Variants in STK32B observed in about 807,000 individuals in gnomAD.
STK32B encodes the protein serine/threonine-protein kinase 32B.
Under a neutral mutation model 52.6 loss-of-function variants are expected in STK32B, and 43 were observed. That is an observed-to-expected ratio of 0.82 (90% CI 0.64 to 1.05). STK32B has a LOEUF of 1.05. Ranked by LOEUF, STK32B falls within the 50% of genes least tolerant of loss-of-function variation. STK32B has a pLI of 0.00. For synonymous variants in STK32B, 238 were observed against 204.3 expected (o/e 1.17, Z -1.41); for missense variants, 621 against 534.6 (o/e 1.16, Z -1.59).
At chr4:5,216,813 G>A (rs906747892) in intron 3 of STK32B, among the ~76,000 whole-genome samples, 16 of 152,338 alleles carry the variant, frequency 1.1e-4, no homozygotes, top group African/African-American at 3.1e-4. Flanking sequence ...ACCAGGTGTG[G>A]TGGGTGTGAT....
chr4:5,235,358 G>A (rs1166186509), intron 3 of STK32B, among the ~76,000 whole-genome samples: 1 of 152,178 alleles, frequency 6.6e-6, no homozygotes, highest in Non-Finnish European at 1.5e-5. Flanking sequence ...CTGGCTGTAG[G>A]ACCAGGGGTA....
At chr4:5,192,754 G>A (rs952755060) in intron 3 of STK32B, among the ~76,000 whole-genome samples, 29 of 5,444 alleles carry the variant, frequency 5.3e-3, no homozygotes, top group South Asian at 0.038. Flanking sequence ...TTCTACTCTC[G>A]GCAAATTTCG....
intron 5 of STK32B, among the ~76,000 whole-genome samples, chr4:5,414,444 G>C (rs1454547840): frequency 1.3e-5 from 2 of 151,866 alleles, no homozygotes; most frequent in Non-Finnish European, 2.9e-5. Flanking sequence ...AGAATGTTTC[G>C]GGTCAAATCT....
At chr4:5,265,762 T>C (rs921475378) in intron 3 of STK32B, among the ~76,000 whole-genome samples, 2 of 152,254 alleles carry the variant, frequency 1.3e-5, no homozygotes, top group Non-Finnish European at 2.9e-5. Context: ...CCTATTTTTA[T>C]GTAATCTAGT....
In STK32B at chr4:5,167,261, C is replaced by G. The variant is rs1393144502; in HGVS notation, c.109-1038C>G. Among the ~76,000 whole-genome samples the G allele has an allele frequency of 2.0e-5, 3 of 152,084 alleles. No homozygotes were observed. The East Asian group carries it at 5.8e-4, about 29-fold the overall frequency. ...AGGCCTCATGGATTTGAACCCCCAC[C>G]CTGCCACTTGGTGGTTTGTTGAACT... is the stretch of plus-strand genomic sequence containing the variant. On this transcript the variant is annotated intron_variant, in intron 2 of 11. Coordinates refer to ENST00000282908, the MANE Select transcript of STK32B (RefSeq NM_018401.3).
At chr4:5,245,454 C>G (rs959028256) in intron 3 of STK32B, among the ~76,000 whole-genome samples, 1 of 152,084 alleles carries the variant, frequency 6.6e-6, no homozygotes, top group Non-Finnish European at 1.5e-5. Context: ...CATCCCTTTA[C>G]TTTGAGCCTA....
intron 2 of STK32B, among the ~76,000 whole-genome samples, chr4:5,150,557 C>A (rs1260175041): frequency 6.7e-6 from 1 of 150,058 alleles, no homozygotes; most frequent in East Asian, 2.0e-4. Context: ...CTTTGGCAGG[C>A]ACATGAATCT....
chr4:5,464,392 T>A (rs1057137954), intron 9 of STK32B, among the ~76,000 whole-genome samples: 1 of 152,214 alleles, frequency 6.6e-6, no homozygotes, highest in Non-Finnish European at 1.5e-5. Context: ...CAGCCTCTCC[T>A]GCAACCCTCT....
At position 5,500,790 on chromosome 4, in the gene STK32B, T is replaced by C. The variant is rs545511476; in HGVS notation, c.*1707T>C. On this transcript the variant is annotated 3_prime_UTR_variant, in exon 12 of 12. Coordinates refer to ENST00000282908, the MANE Select transcript of STK32B (RefSeq NM_018401.3). ...TTCATGTCCCCATCAACAACCGTCC[T>C]GCTCCCCACCTCCCCCAGGAAATAA... 1.3e-5 allele frequency: 2 copies of C among 152,332 alleles called. No homozygotes were observed. Among genetic ancestry groups the C allele is most frequent in the South Asian group, 4.1e-4 (2 of 4,824 alleles). 9.4% of individuals were successfully genotyped at this position (152,332 alleles called of 1,614,324 possible).
At chr4:5,271,904 G>T (rs1187578462) in intron 3 of STK32B, among the ~76,000 whole-genome samples, 3 of 144,862 alleles carry the variant, frequency 2.1e-5, no homozygotes, top group African/African-American at 8.6e-5. Flanking sequence ...GAGATATTGG[G>T]CTGAGACAAT....
chr4:5,232,288 T>G (rs1487665321), intron 3 of STK32B, among the ~76,000 whole-genome samples: 1 of 152,216 alleles, frequency 6.6e-6, no homozygotes, highest in Non-Finnish European at 1.5e-5. Flanking sequence ...ATGTGGACTT[T>G]GATTAATGTA....
chr4:5,078,043 A>C (rs547326955), intron 1 of STK32B, among the ~76,000 whole-genome samples: 1 of 152,068 alleles, frequency 6.6e-6, no homozygotes, highest in South Asian at 2.1e-4. Flanking sequence ...TCTTCTCTCA[A>C]CGTCTTAACA....
At chr4:5,379,113 C>A (rs1029334350) in intron 4 of STK32B, among the ~76,000 whole-genome samples, 1 of 152,118 alleles carries the variant, frequency 6.6e-6, no homozygotes, top group Admixed American at 6.6e-5. Context: ...ACCTGTTGGT[C>A]AGTGATAATG....
At chr4:5,429,425 A>G (rs1713373515) in intron 6 of STK32B, among the ~76,000 whole-genome samples, 1 of 151,574 alleles carries the variant, frequency 6.6e-6, no homozygotes, top group Non-Finnish European at 1.5e-5. Flanking sequence ...TAACTTCTCC[A>G]TTGGCTTAGT....
chr4:5,128,296 GA>G (rs1187616394), intron 1 of STK32B, among the ~76,000 whole-genome samples: 1 of 152,226 alleles, frequency 6.6e-6, no homozygotes, highest in African/African-American at 2.4e-5. Flanking sequence ...TATACATTGG[GA>G]ATGCAGGAAG....
In STK32B at chr4:5,403,022, G is replaced by A. The variant is rs546444887; in HGVS notation, c.472+4778G>A. ...CAGCAGCTGGCAATGCAGCAGCCGC[G>A]TGGTCAGAGTGGATTTGTTTTCTTT... is the stretch of plus-strand genomic sequence containing the variant. On this transcript the variant is annotated intron_variant, in intron 5 of 11. Transcript: ENST00000282908. 6.6e-5 allele frequency among the ~76,000 whole-genome samples: 10 copies of A among 152,324 alleles called. No homozygotes were observed. In the South Asian group the frequency reaches 1.2e-3, roughly 19 times the overall value.
In STK32B at chr4:5,080,245, C is replaced by T. The variant is rs1373084054; in HGVS notation, c.52+28330C>T. ...ATCAGGCCCCCTGCCACCTCTCAGA[C>T]ACCATCGTCTTCTGCTTTCCCCGTC... On this transcript the variant is annotated intron_variant, in intron 1 of 11. Transcript: ENST00000282908. 3.9e-5 allele frequency among the ~76,000 whole-genome samples: 6 copies of T among 152,200 alleles called. No homozygotes were observed. In the East Asian group the frequency reaches 7.7e-4, roughly 20 times the overall value.
At position 5,258,985 on chromosome 4, in the gene STK32B, G is replaced by T. The variant is rs535698822; in HGVS notation, c.261-72235G>T. Among the ~76,000 whole-genome samples, 7 of 152,262 alleles carry T rather than the reference G, an allele frequency of 4.6e-5. No homozygotes were observed. The East Asian group carries it at 1.4e-3, about 30-fold the overall frequency. On this transcript the variant is annotated intron_variant, in intron 3 of 11. Coordinates refer to ENST00000282908, the MANE Select transcript of STK32B (RefSeq NM_018401.3). ...CTTCTTTCCAGGCTTGTAAAAGCCTGTTTTTCAGGCACCTGCCTTTGAGCC... is the reference window on the plus strand; with the variant it reads ...CTTCTTTCCAGGCTTGTAAAAGCCTTTTTTTCAGGCACCTGCCTTTGAGCC...
At chr4:5,102,838 C>A (rs1369887445) in intron 1 of STK32B, among the ~76,000 whole-genome samples, 2 of 144,048 alleles carry the variant, frequency 1.4e-5, no homozygotes, top group Non-Finnish European at 3.1e-5. Context: ...TCACCGCACT[C>A]GACCTCTCTC....
Sources: gnomAD v4.1 joint callset for allele counts (sites outside exome capture counted in the v4.1 genomes callset) on GRCh38, gnomAD v4.1.1 for gene constraint, MANE v1.5 for transcripts, NCBI Gene and HGNC (gene_info 2026-07-23, HGNC 2026-07-21) for gene names.